SGCD: variants seen among roughly 807,000 people sequenced by gnomAD.
SGCD encodes sarcoglycan delta, also known as delta-sarcoglycan.
In SGCD, 18 loss-of-function variants were observed where a neutral mutation model predicts 36.6. That is an observed-to-expected ratio of 0.49 (90% CI 0.34 to 0.73). The LOEUF (loss-of-function observed/expected upper bound fraction) is 0.73, where lower values mean the gene tolerates loss of function less well. Among genes scored for constraint, SGCD ranks in the 30% least tolerant of loss-of-function variants. The probability of loss-of-function intolerance (pLI) is 0.01; values close to 1 mark genes in which losing one functional copy is unlikely to be tolerated. For synonymous variants in SGCD, 133 were observed against 130.6 expected (o/e 1.02, Z -0.12); for missense variants, 387 against 346.7 (o/e 1.12, Z -0.92).
chr5:155,873,851 T>C (rs1400429466), intron 1 of SGCD, among the ~76,000 whole-genome samples: 1 of 152,114 alleles, frequency 6.6e-6, no homozygotes, highest in East Asian at 1.9e-4. Flanking sequence ...TATCCAAAAT[T>C]TTAAATTATT....
In SGCD at chr5:156,728,508, CAA is replaced by C. The variant is rs34726270; in HGVS notation, c.576-29046_576-29045del. On this transcript the variant is annotated intron_variant, in intron 7 of 8. Transcript: ENST00000337851. ...CCTGGGTGACAGAGCGAGACTCTGT[CAA>C]AAAAAAAAAAAAAAAAAAAAAAAAA... is the stretch of plus-strand genomic sequence containing the variant. Among the ~76,000 whole-genome samples, 222 of 46,504 alleles carry C rather than the reference CAA, an allele frequency of 4.8e-3. 1 individual carries two copies. Among genetic ancestry groups the C allele is most frequent in the African/African-American group, 0.018 (213 of 11,568 alleles). 30.5% of individuals were successfully genotyped at this position (46,504 alleles called of 152,430 possible).
intron 3 of SGCD, among the ~76,000 whole-genome samples, chr5:156,260,445 CTT>C (rs1303032850): frequency 2.6e-5 from 4 of 152,094 alleles, no homozygotes; most frequent in African/African-American, 4.8e-5. Context: ...TCAGAATAAA[CTT>C]CTCACATATA....
At chr5:156,568,072 A>G (rs111890590) in intron 4 of SGCD, among the ~76,000 whole-genome samples, 71 of 152,226 alleles carry the variant, frequency 4.7e-4, no homozygotes, top group African/African-American at 1.6e-3. Context: ...GTTTATATGG[A>G]GCTTCTAAGA....
At position 156,704,537 on chromosome 5, in the gene SGCD, A is replaced by G. The variant is rs1290719137; in HGVS notation, c.576-53044A>G. Among the ~76,000 whole-genome samples, 3 of 152,200 alleles carry G rather than the reference A, an allele frequency of 2.0e-5. No individual in the cohort carries two copies. The East Asian group carries it at 5.8e-4, about 29-fold the overall frequency. ...GTTTGCTATAGCTAGATGAATGGGAAATGAATACTGGGCAGGTAAAAACAA... is the reference window on the plus strand; with the variant it reads ...GTTTGCTATAGCTAGATGAATGGGAGATGAATACTGGGCAGGTAAAAACAA... On this transcript the variant is annotated intron_variant, in intron 7 of 8. Transcript: ENST00000337851.
Position 156,241,115 on chromosome 5 carries a change from A to T in SGCD, c.-43-88419A>T, listed in dbSNP as rs184903931. Among the ~76,000 whole-genome samples, 68 of 152,342 alleles carry T rather than the reference A, an allele frequency of 4.5e-4. 1 individual carries two copies. The highest frequency in any genetic ancestry group is 2.1e-4 in the Non-Finnish European group (14 of 68,026). On this transcript the variant is annotated intron_variant, in intron 3 of 9. Transcript: ENST00000517913. ...GTAAACTGTGTTTAAGGGAAAACTT[A>T]TCCAATTACACATAAACGATTGAGA...
At chr5:155,736,242 C>G in the SGCD span, among the ~76,000 whole-genome samples, 1 of 152,102 alleles carries the variant, frequency 6.6e-6, no homozygotes, top group Non-Finnish European at 1.5e-5. Context: ...TCAGAGCTGA[C>G]AAGGCAGAAG....
intron 1 of SGCD, among the ~76,000 whole-genome samples, chr5:155,918,495 G>A (rs1438557850): frequency 1.3e-5 from 2 of 152,160 alleles, no homozygotes; most frequent in Non-Finnish European, 2.9e-5. Context: ...CCTAGGAGGC[G>A]GAGTTTGCAG....
intron 6 of SGCD, among the ~76,000 whole-genome samples, chr5:156,612,841 C>G (rs1761878372): frequency 6.6e-6 from 1 of 152,178 alleles, no homozygotes. Flanking sequence ...GGAGGTTGCA[C>G]AGTGGAGAGT....
the SGCD span, among the ~76,000 whole-genome samples, chr5:155,811,680 C>T: frequency 1.8e-4 from 28 of 152,126 alleles, no homozygotes; most frequent in African/African-American, 6.8e-4. Flanking sequence ...GGTGGATCGG[C>T]AGGTTGAGAA....
At chr5:156,362,342 A>C (rs1319151388) in intron 3 of SGCD, among the ~76,000 whole-genome samples, 5 of 152,208 alleles carry the variant, frequency 3.3e-5, no homozygotes, top group Non-Finnish European at 5.9e-5. Flanking sequence ...TGAGTGTTCA[A>C]ATGGTTTAGA....
At chr5:156,618,623 G>A (rs1010512141) in intron 6 of SGCD, among the ~76,000 whole-genome samples, 2 of 145,654 alleles carry the variant, frequency 1.4e-5, no homozygotes, top group Non-Finnish European at 1.5e-5. Flanking sequence ...GAGCCAGTCC[G>A]AAAACCTAGG....
chr5:156,334,371 A>C (rs1385706069), intron 2 of SGCD, among the ~76,000 whole-genome samples: 1 of 152,236 alleles, frequency 6.6e-6, no homozygotes, highest in Non-Finnish European at 1.5e-5. Context: ...ATCTGCGATC[A>C]GATGTTTGAA....
chr5:155,997,982 T>C (rs770611588), intron 1 of SGCD, among the ~76,000 whole-genome samples: 15 of 152,326 alleles, frequency 9.8e-5, no homozygotes, highest in South Asian at 2.1e-4. Flanking sequence ...TTATTTTAAA[T>C]TGTGAATCCT....
At chr5:156,202,096 T>C (rs547464899) in intron 3 of SGCD, among the ~76,000 whole-genome samples, 1 of 152,308 alleles carries the variant, frequency 6.6e-6, no homozygotes, top group South Asian at 2.1e-4. Context: ...ACATTTCTAA[T>C]ACTCTGGTTG....
intron 1 of SGCD, among the ~76,000 whole-genome samples, chr5:155,981,597 A>T (rs1758230320): frequency 6.6e-6 from 1 of 152,120 alleles, no homozygotes; most frequent in Admixed American, 6.5e-5. Flanking sequence ...TTACGTTTTC[A>T]ACCTATTTCC....
intron 3 of SGCD, among the ~76,000 whole-genome samples, chr5:156,307,550 CTGT>C (rs1179210772): frequency 0.049 from 3,510 of 71,466 alleles, 473 homozygotes; most frequent in Middle Eastern, 0.1. Flanking sequence ...TACATTTTAA[CTGT>C]TGTTTTTTTT....
chr5:156,645,368 G>A lies in SGCD; in HGVS notation c.503-2096G>A, dbSNP rs573513263. On this transcript the variant is annotated intron_variant, in intron 6 of 8. Coordinates refer to ENST00000337851, the MANE Select transcript of SGCD (RefSeq NM_000337.6). ...TGTTTGTCTACTCTGGAGCTTCTGG[G>A]AAAGTAAACAATGGTGTGAAAATCA... Among the ~76,000 whole-genome samples, 3 of 152,238 alleles carry A rather than the reference G, an allele frequency of 2.0e-5. No individual in the cohort carries two copies. The South Asian group carries it at 6.2e-4, about 32-fold the overall frequency.
At position 156,246,881 on chromosome 5, in the gene SGCD, A is replaced by G. The variant is rs536373890; in HGVS notation, c.-43-82653A>G. ...ACCAGCTCGCCTCTTAATAATGACC[A>G]CTTTAGGCCTAAAACATGTAATTAA... On this transcript the variant is annotated intron_variant, in intron 3 of 9. Coordinates refer to the SGCD transcript ENST00000517913. Among the ~76,000 whole-genome samples, 8 of 152,168 alleles carry G rather than the reference A, an allele frequency of 5.3e-5. No individual in the cohort carries two copies. In the East Asian group the frequency reaches 7.7e-4, roughly 15 times the overall value.
At chr5:156,261,667 G>A (rs936854784) in intron 3 of SGCD, among the ~76,000 whole-genome samples, 55 of 152,152 alleles carry the variant, frequency 3.6e-4, no homozygotes, top group African/African-American at 1.2e-3. Flanking sequence ...CAGGCATGTC[G>A]TTCAGGAGGT....
Sources: allele counts gnomAD v4.1 joint callset (sites outside exome capture counted in the v4.1 genomes callset), GRCh38; gene constraint gnomAD v4.1.1; transcripts MANE v1.5; gene names NCBI Gene and HGNC (gene_info 2026-07-23, HGNC 2026-07-21).